The following CCDC33 variants were observed in gnomAD, a reference collection of about 807,000 sequenced individuals.
CCDC33 encodes coiled-coil domain-containing protein 33.
CCDC33 carries 94 observed loss-of-function variants against 91.9 expected under a neutral mutation model. That is an observed-to-expected ratio of 1.02 (90% CI 0.87 to 1.21). CCDC33 has a LOEUF of 1.21. Ranked by LOEUF, CCDC33 falls within the 50% of genes most tolerant of loss-of-function variation. The probability of loss-of-function intolerance (pLI) is 0.00; values close to 1 mark genes in which losing one functional copy is unlikely to be tolerated. For missense variants in CCDC33, 940 were observed against 935.5 expected (o/e 1.00, Z -0.06); for synonymous variants, 396 against 374.5 (o/e 1.06, Z -0.66).
intron 13 of CCDC33, 23 bp downstream of exon 13, chr15:74,330,774 A>G: frequency 1.3e-6 from 2 of 1,585,510 alleles, no homozygotes; most frequent in Non-Finnish European, 1.7e-6. Flanking sequence ...TTGTGGGGGC[A>G]GAGGGGAGGG....
chr15:74,256,114 A>G (rs2075854089), intron 2 of CCDC33, among the ~76,000 whole-genome samples: 1 of 152,092 alleles, frequency 6.6e-6, no homozygotes, highest in Non-Finnish European at 1.5e-5. Flanking sequence ...GAGGGTGGGG[A>G]GGCGCCAGGA....
At chr15:74,321,561 G>A (rs534717047) in intron 11 of CCDC33, among the ~76,000 whole-genome samples, 3 of 152,118 alleles carry the variant, frequency 2.0e-5, no homozygotes, top group African/African-American at 2.4e-5. Flanking sequence ...CACTGTGCCC[G>A]GTGTACTTTT....
chr15:74,330,100 G>A, intron 11 of CCDC33, 89 bp from the exon 12 acceptor site: 1 of 1,446,750 alleles, frequency 6.9e-7, no homozygotes, highest in East Asian at 2.4e-5. Flanking sequence ...GCCTTGTGGG[G>A]GACCCACTGA....
intron 2 of CCDC33, among the ~76,000 whole-genome samples, chr15:74,249,578 A>G (rs2075641789): frequency 6.6e-6 from 1 of 151,656 alleles, no homozygotes; most frequent in African/African-American, 2.4e-5. Flanking sequence ...ATGCAATAAG[A>G]CAACCCAAAA....
At chr15:74,269,846 C>A (rs2959022) in intron 5 of CCDC33, among the ~76,000 whole-genome samples, 75,699 of 152,116 alleles carry the variant, frequency 0.5, 23,434 homozygotes, top group Non-Finnish European at 0.69. Context: ...GGAGCAGGAA[C>A]TTCTGCTACT....
chr15:74,331,472 C>G (rs2142883708), intron 15 of CCDC33, among the ~76,000 whole-genome samples, 176 bp downstream of exon 15: 1 of 152,302 alleles, frequency 6.6e-6, no homozygotes, highest in South Asian at 2.1e-4. Flanking sequence ...TTCAGGCGCC[C>G]CATCCAGAGA....
chr15:74,273,049 A>G (rs2076363042), intron 7 of CCDC33, among the ~76,000 whole-genome samples, 158 bp downstream of exon 7: 1 of 152,248 alleles, frequency 6.6e-6, no homozygotes, highest in Non-Finnish European at 1.5e-5. Flanking sequence ...TGCGGCAGAG[A>G]AACTGCCCTC....
At chr15:74,271,868 C>G in intron 6 of CCDC33, 74 bp downstream of exon 6, 1 of 1,276,732 alleles carries the variant, frequency 7.8e-7, no homozygotes, top group Non-Finnish European at 1.1e-6. Flanking sequence ...GCTGTCATTG[C>G]TGCCATGGGC....
intron 5 of CCDC33, among the ~76,000 whole-genome samples, chr15:74,270,351 A>T (rs1349880078): frequency 2.0e-5 from 3 of 152,182 alleles, no homozygotes; most frequent in African/African-American, 7.2e-5. Flanking sequence ...GCATGTGCAA[A>T]GACCCTGTGG....
chr15:74,250,611 T>G (rs1163797529), intron 2 of CCDC33, among the ~76,000 whole-genome samples: 7 of 152,200 alleles, frequency 4.6e-5, no homozygotes, highest in African/African-American at 1.7e-4. Flanking sequence ...CTTTATGTGA[T>G]TATGTGCGTA....
upstream of CCDC33, among the ~76,000 whole-genome samples, chr15:74,214,518 G>A (rs547174473): frequency 1.6e-3 from 243 of 152,344 alleles, no homozygotes; most frequent in African/African-American, 5.3e-3. Flanking sequence ...CCTGAGAAGG[G>A]AGGAGGGATC....
chr15:74,210,409 AG>A (rs1468160683), intron 2 of CCDC33, among the ~76,000 whole-genome samples: 1 of 152,216 alleles, frequency 6.6e-6, no homozygotes, highest in African/African-American at 2.4e-5. Flanking sequence ...GCCAAGTAAC[AG>A]TAACCAAGAA....
Position 74,280,770 on chromosome 15 carries a change from A to T in CCDC33, c.992A>T (p.Asp331Val). The change falls in exon 9 of 19, where the codon GAC (aspartate) becomes GTC (valine). Residue 331 changes from aspartate to valine, a missense_variant. By Grantham distance (152) the Asp-to-Val change is radical. Transcript: ENST00000398814. ...AAGATGCTGACAGGGAAAGGCTTGG[A>T]CGGGCTTCACGTGGAGCGGCTCCCC... ...YQKMLTGKGL[D>V]GLHVERLPIM... is the part of the protein sequence containing the mutation. The T allele has an allele frequency of 6.4e-6, 10 of 1,562,472 alleles. No individual in the cohort carries two copies. Among genetic ancestry groups the T allele is most frequent in the Non-Finnish European group, 7.8e-6 (9 of 1,153,820 alleles).
At chr15:74,228,291 G>A (rs796231259) in intron 2 of CCDC33, among the ~76,000 whole-genome samples, 3 of 152,296 alleles carry the variant, frequency 2.0e-5, no homozygotes, top group African/African-American at 7.2e-5. Flanking sequence ...GCCCCCTCCA[G>A]CTGTGGGACT....
At chr15:74,226,461 C>T (rs1190565543) in intron 2 of CCDC33, among the ~76,000 whole-genome samples, 1 of 152,148 alleles carries the variant, frequency 6.6e-6, no homozygotes, top group East Asian at 1.9e-4. Context: ...CAACCCATCC[C>T]ACAAATGTCA....
intron 1 of CCDC33, among the ~76,000 whole-genome samples, chr15:74,206,950 G>C (rs1023012695): frequency 6.6e-6 from 1 of 152,202 alleles, no homozygotes; most frequent in Admixed American, 6.5e-5. Context: ...GCTAAGCCCT[G>C]CTCACTATGG....
intron 11 of CCDC33, among the ~76,000 whole-genome samples, chr15:74,323,114 C>G (rs947695655): frequency 6.6e-6 from 1 of 152,034 alleles, no homozygotes; most frequent in Non-Finnish European, 1.5e-5. Flanking sequence ...TCTCCTTGAC[C>G]CTGTTTTCCT....
intron 7 of CCDC33, among the ~76,000 whole-genome samples, chr15:74,274,533 G>A (rs946861302): frequency 6.6e-6 from 1 of 152,216 alleles, no homozygotes; most frequent in African/African-American, 2.4e-5. Context: ...TCAGACATGG[G>A]GTAGAGTGAT....
At chr15:74,305,884 T>A (rs1490553814) in intron 11 of CCDC33, among the ~76,000 whole-genome samples, 1 of 111,258 alleles carries the variant, frequency 9.0e-6, no homozygotes, top group African/African-American at 4.7e-5. Context: ...AAAAAATCAC[T>A]CAACCTCTCT....
Sources: allele counts gnomAD v4.1 joint callset (sites outside exome capture counted in the v4.1 genomes callset), GRCh38; gene constraint gnomAD v4.1.1; transcripts MANE v1.5; gene names NCBI Gene and HGNC (gene_info 2026-07-23, HGNC 2026-07-21).